The following F8 variants were observed in gnomAD, a reference collection of about 807,000 sequenced individuals.
F8 encodes the protein antihemophilic factor.
A neutral mutation model predicts 140.6 loss-of-function variants in F8; 12 were observed. The observed-to-expected ratio is 0.09, with a 90% CI of 0.05 to 0.14. The LOEUF is 0.14. F8 is among the 10% of genes least tolerant of loss of function. The probability of loss-of-function intolerance (pLI) is 1.00; values close to 1 mark genes in which losing one functional copy is unlikely to be tolerated. For synonymous variants in F8, 585 were observed against 614.6 expected, an observed-to-expected ratio of 0.95 and a Z score of 0.71; for missense variants, 1,354 against 1,720.7, an observed-to-expected ratio of 0.79 and a Z score of 3.77.
chrX:154,999,618 A>G lies in F8; in HGVS notation c.144-18T>C, dbSNP rs2073636489. On this transcript the variant is annotated intron_variant, in intron 1 of 25. Coordinates refer to ENST00000360256, the MANE Select transcript of F8 (RefSeq NM_000132.4). The stretch of plus-strand genomic sequence containing the variant: ...GAGGAAATCTGCGTGAAGAAAGGAA[A>G]AAGTCGTTCATTTTGGTGGACACTT... 8.4e-7 allele frequency: 1 copy of G among 1,197,382 alleles called. No homozygotes were observed. Among genetic ancestry groups the G allele is most frequent in the South Asian group, 1.8e-5 (1 of 56,561 alleles).
chrX:154,871,577 C>T (rs2072773951), intron 22 of F8, among the ~76,000 whole-genome samples: 1 of 112,072 alleles, frequency 8.9e-6, no homozygotes, highest in Non-Finnish European at 1.9e-5. Context: ...AACGTAAGAC[C>T]TAGGACCATA....
At position 154,930,010 on chromosome X, in the gene F8, G is replaced by C. The variant is rs1800291; in HGVS notation, c.3780C>G (p.Asp1260Glu). The change falls in exon 14 of 26, where the codon GAC (aspartate) becomes GAG (glutamate). Residue 1260 changes from aspartate to glutamate, a missense_variant. Coordinates refer to ENST00000360256, the MANE Select transcript of F8 (RefSeq NM_000132.4). Reference sequence around the variant, plus strand: ...CTTGAAGTACTGGAGCATATGCCCCGTCATATGAACCTTCTACATTTTGCC... The same window carrying C: ...CTTGAAGTACTGGAGCATATGCCCCCTCATATGAACCTTCTACATTTTGCC... ...STRQNVEGSY[D>E]GAYAPVLQDF... 227,551 of 1,207,733 alleles carry C rather than the reference G, an allele frequency of 0.19. 20,423 individuals carry two copies. Among genetic ancestry groups the C allele is most frequent in the African/African-American group, 0.65 (37,098 of 56,705 alleles).
chrX:154,839,219 G>A (rs1235153697), intron 25 of F8, among the ~76,000 whole-genome samples: 1 of 108,934 alleles, frequency 9.2e-6, no homozygotes, highest in East Asian at 3.0e-4. Context: ...TTTACCCTTC[G>A]GGTCTCAGTT....
In F8 at chrX:154,836,790, C is replaced by G. The variant is rs2072478486; in HGVS notation, c.*807G>C. The G allele has an allele frequency of 8.9e-6, 1 of 112,124 alleles. No individual in the cohort carries two copies. Among genetic ancestry groups the G allele is most frequent in the Non-Finnish European group, 1.9e-5 (1 of 53,217 alleles). The allele number at this position is 112,124 out of a possible 1,213,427, so 9.2% of individuals were successfully genotyped here. A position where few individuals can be genotyped will look rare whatever the true frequency, so the allele number is the denominator to read the frequency against. Reference sequence around the variant, plus strand: ...TGTTATTTTATTTCAAAGCTTTCAACAATTGCATCCTCCTGACTTATTTTT... The same window carrying G: ...TGTTATTTTATTTCAAAGCTTTCAAGAATTGCATCCTCCTGACTTATTTTT... On this transcript the variant is annotated 3_prime_UTR_variant, in exon 26 of 26. Transcript: ENST00000360256.
intron 22 of F8, among the ~76,000 whole-genome samples, chrX:154,880,889 G>A (rs782819376): frequency 2.7e-5 from 3 of 110,867 alleles, no homozygotes; most frequent in South Asian, 3.8e-4. Context: ...TTTGAAGAAT[G>A]AGCACATGAA....
chrX:154,952,144 G>A (rs985809565), intron 12 of F8, among the ~76,000 whole-genome samples: 1 of 111,929 alleles, frequency 8.9e-6, no homozygotes, highest in East Asian at 2.8e-4. Flanking sequence ...TCAGGCTGAA[G>A]GAATTCTAAA....
intron 22 of F8, among the ~76,000 whole-genome samples, chrX:154,892,494 A>C (rs1338272864): frequency 8.9e-6 from 1 of 111,998 alleles, no homozygotes. Flanking sequence ...TATAATACTA[A>C]CACATGTCAT....
In F8 at chrX:154,931,070, G is replaced by A. The variant is rs1041313891; in HGVS notation, c.2720C>T (p.Thr907Ile). ...VSSTSNNLISTIPSDNLAAGT... is the reference protein window; with the variant it reads ...VSSTSNNLISIIPSDNLAAGT... ...TGCTGCCAAATTGTCTGATGGAATT[G>A]TTGAAATCAGATTATTTGATGTACT... is the stretch of plus-strand genomic sequence containing the variant. Residue 907 changes from threonine (T) to isoleucine (I), a missense_variant, in exon 14 of 26, where the codon ACA becomes ATA. This residue lies in a region of F8 where 658 missense variants were observed against 666.5 expected (regional missense o/e 0.99). Coordinates refer to ENST00000360256, the MANE Select transcript of F8 (RefSeq NM_000132.4). 3.3e-6 allele frequency: 4 copies of A among 1,201,561 alleles called. No individual in the cohort carries two copies. Among genetic ancestry groups the A allele is most frequent in the Non-Finnish European group, 4.5e-6 (4 of 890,292 alleles).
At chrX:154,980,158 G>A (rs782326198) in intron 6 of F8, among the ~76,000 whole-genome samples, 128 of 110,613 alleles carry the variant, frequency 1.2e-3, no homozygotes, top group Middle Eastern at 4.6e-3. Context: ...TGCTACTTTG[G>A]TTCCTCTCCA....
At chrX:154,969,227 G>GTCCCCT (rs1352894200) in intron 7 of F8, 104 bp downstream of exon 7, 8 of 752,905 alleles carry the variant, frequency 1.1e-5, no homozygotes, top group Middle Eastern at 4.1e-4. Context: ...ACTCTATAAT[G>GTCCCCT]TCCCCTTCAG....
rs180706051 is a variant in F8 at position 154,905,221 on chromosome X, T to A, written c.5374-198A>T. 2.7e-5 allele frequency among the ~76,000 whole-genome samples: 3 copies of A among 111,122 alleles called. No individual in the cohort carries two copies. The East Asian group carries it at 8.4e-4, about 31-fold the overall frequency. Reference sequence around the variant, plus strand: ...CCTGAGGAGGTTTTGTATTCTAAATTTAAGGTATGAACTCAAAGTTGCAAA... The same window carrying A: ...CCTGAGGAGGTTTTGTATTCTAAATATAAGGTATGAACTCAAAGTTGCAAA... On this transcript the variant is annotated intron_variant, in intron 15 of 25. Transcript: ENST00000360256.
chrX:155,022,385 C>G (rs781784509), intron 1 of F8, 25 bp downstream of exon 1: 1 of 1,205,414 alleles, frequency 8.3e-7, no homozygotes, highest in South Asian at 1.8e-5. Context: ...TGGCCCCGAT[C>G]AGACCCTACA....
In F8 at chrX:154,931,021, T is replaced by G. The variant is rs781850919; in HGVS notation, c.2769A>C (p.Leu923Phe). 56 of 1,190,493 alleles carry G rather than the reference T, an allele frequency of 4.7e-5. No homozygotes were observed. Among genetic ancestry groups the G allele is most frequent in the Non-Finnish European group, 6.0e-5 (53 of 886,512 alleles). The change falls in exon 14 of 26, where the codon TTA becomes TTC. Residue 923 changes from leucine (L) to phenylalanine (F), a missense_variant. Physicochemically the swap from Leu to Phe is conservative, Grantham distance 22 (BLOSUM62 0). Transcript: ENST00000360256. The part of the protein sequence containing the change: ...LAAGTDNTSS[L>F]GPPSMPVHYD... ...AATGAACTGGCATACTTGGGGGTCC[T>G]AAGGAACTTGTATTATCAGTACCTG...
chrX:154,850,357 A>AC (rs1208727728), intron 25 of F8, among the ~76,000 whole-genome samples: 2 of 109,114 alleles, frequency 1.8e-5, no homozygotes, highest in African/African-American at 6.7e-5. Flanking sequence ...TGAACTCCTG[A>AC]CCTCAGATGA....
At chrX:154,964,992 C>T (rs2073416382) in intron 9 of F8, among the ~76,000 whole-genome samples, 1 of 111,786 alleles carries the variant, frequency 8.9e-6, no homozygotes, top group South Asian at 3.7e-4. Flanking sequence ...AATACATAAG[C>T]AAAAGATGAC....
At chrX:154,941,865 C>T (rs1285735048) in intron 13 of F8, among the ~76,000 whole-genome samples, 16 of 106,158 alleles carry the variant, frequency 1.5e-4, no homozygotes, top group African/African-American at 5.5e-4. Context: ...AAGAAACTCA[C>T]TCAAAACCGC....
rs992966430 is a variant in F8, at chrX:154,901,386, C to T, written c.6172G>A (p.Ala2058Thr). ...SGHIRDFQIT[A>T]SGQYGQWAPK... ...TAGTATTTACCATATTGTCCTGAAG[C>T]TGTAATCTGAAAATCTCTAATGTGT... Residue 2058 changes from alanine to threonine, a missense_variant, in exon 20 of 26, where the codon GCT becomes ACT. Around this residue, in one of 4 missense-constraint regions of F8, gnomAD observed 316 missense variants for 485.4 expected, o/e 0.65. Coordinates refer to ENST00000360256, the MANE Select transcript of F8 (RefSeq NM_000132.4). The T allele has an allele frequency of 8.4e-7, 1 of 1,189,522 alleles. No individual in the cohort carries two copies. The highest frequency in any genetic ancestry group is 3.0e-5 in the East Asian group (1 of 33,777).
chrX:154,855,106 C>T (rs190445973), intron 25 of F8, among the ~76,000 whole-genome samples: 6 of 111,571 alleles, frequency 5.4e-5, no homozygotes, highest in African/African-American at 1.3e-4. Flanking sequence ...GGTGACAGAG[C>T]GAGACTCCAT....
intron 22 of F8, among the ~76,000 whole-genome samples, chrX:154,893,191 T>A (rs782574330): frequency 3.6e-5 from 4 of 112,289 alleles, no homozygotes; most frequent in African/African-American, 1.3e-4. Flanking sequence ...CCAAACTCAA[T>A]GAATGTACAT....
Sources: gnomAD v4.1 joint callset for allele counts (sites outside exome capture counted in the v4.1 genomes callset) on GRCh38, gnomAD v4.1.1 for gene constraint, gnomAD v4.1.1 regional missense constraint, MANE v1.5 for transcripts, NCBI Gene and HGNC (gene_info 2026-07-23, HGNC 2026-07-21) for gene names.